STXBP5: variants seen among roughly 807,000 people sequenced by gnomAD.
The protein encoded by STXBP5 is syntaxin-binding protein 5.
Under a neutral mutation model 152.4 loss-of-function variants are expected in STXBP5, and 50 were observed. That is an observed-to-expected ratio of 0.33 (90% CI 0.26 to 0.42). The LOEUF is 0.42. STXBP5 is among the 10% of genes least tolerant of loss of function. The probability of loss-of-function intolerance (pLI) is 1.00; values close to 1 mark genes in which losing one functional copy is unlikely to be tolerated. For missense variants in STXBP5, 1,167 were observed against 1,388.6 expected (o/e 0.84, Z 2.54); for synonymous variants, 492 against 494.7 (o/e 0.99, Z 0.07).
At chr6:147,266,549 G>A (rs75946840) in intron 6 of STXBP5, among the ~76,000 whole-genome samples, 6,083 of 152,154 alleles carry the variant, frequency 0.04, 306 homozygotes, top group East Asian at 0.15. Context: ...CCGAATAGAC[G>A]TGATAAGGAA....
chr6:147,343,237 T>A (rs1784170509), intron 21 of STXBP5, among the ~76,000 whole-genome samples: 1 of 152,144 alleles, frequency 6.6e-6, no homozygotes, highest in Non-Finnish European at 1.5e-5. Context: ...CAATTCTGAG[T>A]TAACATAATT....
chr6:147,365,474 G>C (rs1785250703), intron 25 of STXBP5, among the ~76,000 whole-genome samples: 1 of 151,906 alleles, frequency 6.6e-6, no homozygotes, highest in Admixed American at 6.6e-5. Context: ...CACTTTTCTG[G>C]GATCAATTTA....
chr6:147,262,193 A>G, intron 5 of STXBP5, 97 bp from the exon 6 acceptor site: 2 of 740,554 alleles, frequency 2.7e-6, no homozygotes, highest in East Asian at 3.0e-5. Context: ...CTTTATAAAT[A>G]TAACTTATTT....
At chr6:147,287,890 A>C (rs77553581) in intron 8 of STXBP5, among the ~76,000 whole-genome samples, 5,387 of 152,258 alleles carry the variant, frequency 0.035, 146 homozygotes, top group Admixed American at 0.054. Flanking sequence ...GATTTCTACC[A>C]GCCATGTATG....
chr6:147,288,004 A>G (rs753655372), intron 8 of STXBP5, among the ~76,000 whole-genome samples: 2 of 151,416 alleles, frequency 1.3e-5, no homozygotes, highest in African/African-American at 2.4e-5. Flanking sequence ...GCCAGAAATG[A>G]GTGACTGGGG....
intron 21 of STXBP5, among the ~76,000 whole-genome samples, chr6:147,347,173 AGTCTTT>A (rs1459118334): frequency 6.6e-6 from 1 of 152,198 alleles, no homozygotes; most frequent in Non-Finnish European, 1.5e-5. Context: ...AATGATCTCA[AGTCTTT>A]GTCTTAAGTT....
intron 19 of STXBP5, among the ~76,000 whole-genome samples, chr6:147,335,875 T>C (rs1783802212): frequency 6.6e-6 from 1 of 152,124 alleles, no homozygotes; most frequent in Non-Finnish European, 1.5e-5. Flanking sequence ...AACTCAAACA[T>C]GGTTCAGCAT....
chr6:147,260,850 G>A (rs1779607953), intron 5 of STXBP5, 101 bp downstream of exon 5: 1 of 1,349,528 alleles, frequency 7.4e-7, no homozygotes, highest in African/African-American at 1.5e-5. Context: ...AATTAAATAT[G>A]TGACAGATGT....
intron 18 of STXBP5, among the ~76,000 whole-genome samples, chr6:147,329,372 C>T (rs1299899151): frequency 6.7e-6 from 1 of 149,218 alleles, no homozygotes; most frequent in Non-Finnish European, 1.5e-5. Context: ...CTCGCTTTGT[C>T]AATATTTAGG....
rs1782602438 is a variant in STXBP5 at position 147,315,603 on chromosome 6, A to G, written c.1491A>G (p.Val497=). 3.7e-6 allele frequency: 6 copies of G among 1,613,960 alleles called. No individual in the cohort carries two copies. Among genetic ancestry groups the G allele is most frequent in the Non-Finnish European group, 5.1e-6 (6 of 1,179,900 alleles). Residue 497 remains valine (V), a synonymous_variant, in exon 15 of 28, where the codon GTA becomes GTG. Transcript: ENST00000321680. ...NKDDRPNTDI[V]DEDPYAIQII... is the part of the protein sequence containing the mutation. ...ATGACAGGCCAAACACAGACATTGTAGATGAAGATCCATATGCCATTCAGA... is the reference window on the plus strand; with the variant it reads ...ATGACAGGCCAAACACAGACATTGTGGATGAAGATCCATATGCCATTCAGA...
chr6:147,209,910 G>C (rs1776761123), intron 2 of STXBP5, among the ~76,000 whole-genome samples: 1 of 152,172 alleles, frequency 6.6e-6, no homozygotes. Flanking sequence ...GAATAATTGA[G>C]TTAGCAGGAG....
At chr6:147,249,887 G>C (rs1035194608) in intron 4 of STXBP5, among the ~76,000 whole-genome samples, 1 of 152,186 alleles carries the variant, frequency 6.6e-6, no homozygotes, top group Non-Finnish European at 1.5e-5. Flanking sequence ...AGAGCATCTA[G>C]AAAGTTTTTA....
chr6:147,285,568 ACTACT>A (rs564646934), intron 8 of STXBP5, among the ~76,000 whole-genome samples: 167 of 152,214 alleles, frequency 1.1e-3, no homozygotes, highest in Non-Finnish European at 1.9e-3. Flanking sequence ...AGAAAATGAA[ACTACT>A]CTATTAACAT....
intron 22 of STXBP5, among the ~76,000 whole-genome samples, chr6:147,355,590 A>G (rs1784780283): frequency 6.6e-6 from 1 of 152,172 alleles, no homozygotes; most frequent in Non-Finnish European, 1.5e-5. Flanking sequence ...GTTGCCTAAC[A>G]GAAAGTTTTA....
intron 20 of STXBP5, 21 bp from the exon 21 acceptor site, chr6:147,339,316 A>G (rs1396175325): frequency 2.0e-6 from 3 of 1,517,100 alleles, no homozygotes; most frequent in African/African-American, 2.8e-5. Context: ...TTGACATTTT[A>G]TATCAAAATA....
intron 23 of STXBP5, among the ~76,000 whole-genome samples, chr6:147,361,639 T>C (rs1450934482): frequency 6.6e-6 from 1 of 152,142 alleles, no homozygotes; most frequent in Non-Finnish European, 1.5e-5. Flanking sequence ...ACGAATCTAC[T>C]AGGAAACATG....
chr6:147,246,296 A>G (rs1472516683), intron 4 of STXBP5, among the ~76,000 whole-genome samples: 1 of 152,188 alleles, frequency 6.6e-6, no homozygotes, highest in Admixed American at 6.5e-5. Context: ...GTATAGTATG[A>G]CCAGTATTCT....
chr6:147,370,518 G>C, intron 25 of STXBP5, among the ~76,000 whole-genome samples: 1 of 151,992 alleles, frequency 6.6e-6, no homozygotes, highest in East Asian at 1.9e-4. Flanking sequence ...TCTTTTTACA[G>C]TATTATTCTT....
Position 147,324,961 on chromosome 6 carries a change from T to C in STXBP5, c.1805T>C (p.Val602Ala). ...GLRDNVPCLK[V>A]KNSPLKQSPG... ...TACCATGTTTTCTTTTATTTTAGAG[T>C]TAAAAACTCACCACTTAAACAGTCT... Residue 602 changes from valine to alanine, a missense_variant and splice_region_variant, in exon 17 of 28, where the codon GTT becomes GCT. Around this residue, in one of 3 missense-constraint regions of STXBP5, gnomAD observed 833 missense variants for 986.3 expected, o/e 0.84. Coordinates refer to ENST00000321680, the MANE Select transcript of STXBP5 (RefSeq NM_001127715.4). 1 of 1,532,456 alleles carries C rather than the reference T, an allele frequency of 6.5e-7. No individual in the cohort carries two copies. The highest frequency in any genetic ancestry group is 1.9e-5 in the Admixed American group (1 of 52,458). The allele number at this position is 1,532,456 out of a possible 1,614,324, so 94.9% of individuals were successfully genotyped here.
Sources: gnomAD v4.1 joint callset for allele counts (sites outside exome capture counted in the v4.1 genomes callset) on GRCh38, gnomAD v4.1.1 for gene constraint, gnomAD v4.1.1 regional missense constraint, MANE v1.5 for transcripts, NCBI Gene and HGNC (gene_info 2026-07-23, HGNC 2026-07-21) for gene names.